The following KLF12 variants were observed in gnomAD, a reference collection of about 807,000 sequenced individuals.
The protein encoded by KLF12 is KLF transcription factor 12.
KLF12 carries 9 observed loss-of-function variants against 37.8 expected under a neutral mutation model. The ratio of observed to expected loss-of-function variants is 0.24; its 90% CI spans 0.14 to 0.42. The LOEUF (loss-of-function observed/expected upper bound fraction) is 0.42. KLF12 is among the 10% of genes least tolerant of loss of function. KLF12 has a pLI of 1.00. For synonymous variants in KLF12, 208 were observed against 202.1 expected, an observed-to-expected ratio of 1.03 and a Z score of -0.25; for missense variants, 411 against 516.0, an observed-to-expected ratio of 0.80 and a Z score of 1.97.
At chr13:73,797,417 T>C (rs1167481401) in intron 5 of KLF12, among the ~76,000 whole-genome samples, 2 of 152,218 alleles carry the variant, frequency 1.3e-5, no homozygotes, top group Non-Finnish European at 2.9e-5. Context: ...AATTCTTCCT[T>C]TAAATACAAA....
chr13:74,274,685 CT>C, the KLF12 span, among the ~76,000 whole-genome samples: 590 of 143,162 alleles, frequency 4.1e-3, no homozygotes, highest in African/African-American at 0.011. Flanking sequence ...TTTTTCACTT[CT>C]TTTTTTTTTT....
chr13:74,015,074 G>A (rs576287762), intron 1 of KLF12, among the ~76,000 whole-genome samples: 1 of 152,038 alleles, frequency 6.6e-6, no homozygotes, highest in South Asian at 2.1e-4. Flanking sequence ...TATACTATTA[G>A]TATACAGTAG....
intron 3 of KLF12, among the ~76,000 whole-genome samples, chr13:73,867,649 C>T (rs966526761): frequency 1.1e-4 from 16 of 152,030 alleles, no homozygotes; most frequent in African/African-American, 3.6e-4. Context: ...TTTAGAACAA[C>T]GTACCTGATA....
rs151110980 is a variant in KLF12 at position 73,828,530 on chromosome 13, C to T, written c.671-15243G>A. 2.6e-3 allele frequency among the ~76,000 whole-genome samples: 399 copies of T among 152,262 alleles called. 1 individual carries two copies. The highest frequency in any genetic ancestry group is 9.0e-3 in the African/African-American group (375 of 41,542). On this transcript the variant is annotated intron_variant, in intron 4 of 7. Transcript: ENST00000377669. ...TATCTTTTCCTTTATCCTTGACATC[C>T]AACTGGCCAACAAATTCTATCACAT... is the stretch of plus-strand genomic sequence containing the variant.
At chr13:73,914,890 T>C (rs1307972390) in intron 3 of KLF12, among the ~76,000 whole-genome samples, 1 of 152,186 alleles carries the variant, frequency 6.6e-6, no homozygotes, top group Non-Finnish European at 1.5e-5. Context: ...AAAAGTAAGT[T>C]TTCCATTTTA....
intron 1 of KLF12, among the ~76,000 whole-genome samples, chr13:74,028,788 A>G (rs1052913147): frequency 1.3e-5 from 2 of 151,738 alleles, no homozygotes; most frequent in Non-Finnish European, 2.9e-5. Context: ...CAAGGGAATC[A>G]CATCATTTTA....
At position 74,097,180 on chromosome 13, in the gene KLF12, A is replaced by G. The variant is rs117305564; in HGVS notation, c.-32+36559T>C. On this transcript the variant is annotated intron_variant, in intron 1 of 7. Coordinates refer to ENST00000377669, the MANE Select transcript of KLF12 (RefSeq NM_007249.5). ...CAAGAACTACGTTTAAAGATAACAA[A>G]ACAGGTAGTTTCTCAAGGACTTTAT... Among the ~76,000 whole-genome samples the G allele has an allele frequency of 1.2e-3, 182 of 152,276 alleles. 1 individual carries two copies. In the East Asian group the frequency reaches 0.029, roughly 25 times the overall value.
intron 3 of KLF12, among the ~76,000 whole-genome samples, chr13:73,860,723 G>A (rs561264382): frequency 1.1e-4 from 17 of 151,812 alleles, no homozygotes; most frequent in South Asian, 2.1e-4. Context: ...CAGCCTGGGC[G>A]ACAGAGTGAA....
chr13:74,263,213 G>A, the KLF12 span, among the ~76,000 whole-genome samples: 1 of 152,098 alleles, frequency 6.6e-6, no homozygotes, highest in East Asian at 1.9e-4. Flanking sequence ...ATAATGTAAT[G>A]CTCCTTGTAC....
At chr13:74,123,745 T>C (rs1593919291) in intron 1 of KLF12, among the ~76,000 whole-genome samples, 2 of 152,362 alleles carry the variant, frequency 1.3e-5, no homozygotes, top group South Asian at 2.1e-4. Flanking sequence ...GACACTTCTT[T>C]TATGTAATGT....
At chr13:73,847,774 G>A (rs1202976740) in intron 3 of KLF12, among the ~76,000 whole-genome samples, 1 of 151,964 alleles carries the variant, frequency 6.6e-6, no homozygotes. Flanking sequence ...CAGTTTATGT[G>A]CTGAAATTGA....
intron 6 of KLF12, among the ~76,000 whole-genome samples, chr13:73,734,841 C>G (rs1283754134): frequency 6.6e-6 from 1 of 152,062 alleles, no homozygotes; most frequent in African/African-American, 2.4e-5. Context: ...GTACACTGCC[C>G]GAGATGACAT....
chr13:73,978,307 C>T (rs1388590862), intron 2 of KLF12, among the ~76,000 whole-genome samples: 1 of 152,054 alleles, frequency 6.6e-6, no homozygotes, highest in Non-Finnish European at 1.5e-5. Context: ...AAGACCTTAA[C>T]AGAGACCTCA....
chr13:74,199,481 A>T, the KLF12 span, among the ~76,000 whole-genome samples: 134 of 152,316 alleles, frequency 8.8e-4, 1 homozygote, highest in Non-Finnish European at 1.1e-3. Flanking sequence ...TGACAATAAA[A>T]ACCATGCCTG....
chr13:73,930,361 T>C (rs566483340), intron 3 of KLF12, among the ~76,000 whole-genome samples: 239 of 152,340 alleles, frequency 1.6e-3, no homozygotes, highest in African/African-American at 5.6e-3. Flanking sequence ...ACAGTTTTCT[T>C]ATATTTCTTC....
In KLF12 at chr13:73,977,888, A is replaced by G. The variant is rs550106959; in HGVS notation, c.33+17102T>C. 4.6e-4 allele frequency among the ~76,000 whole-genome samples: 70 copies of G among 152,346 alleles called. 1 individual carries two copies. The highest frequency in any genetic ancestry group is 1.6e-3 in the African/African-American group (68 of 41,588). Reference sequence around the variant, plus strand: ...ATGGAGCAAAGATAGTCTTTCCAACAAATGGTGCTGGAACAACTTGACATC... The same window carrying G: ...ATGGAGCAAAGATAGTCTTTCCAACGAATGGTGCTGGAACAACTTGACATC... On this transcript the variant is annotated intron_variant, in intron 2 of 7. Transcript: ENST00000377669.
In KLF12 at chr13:73,693,167, C is replaced by T. The variant is rs997998393; in HGVS notation, c.*2323G>A. Reference sequence around the variant, plus strand: ...ACTACTTGCCAACTAGGTGCTGGTACTAGTGCCAGGGGGTTCATGGCTGTG... The same window carrying T: ...ACTACTTGCCAACTAGGTGCTGGTATTAGTGCCAGGGGGTTCATGGCTGTG... On this transcript the variant is annotated 3_prime_UTR_variant, in exon 8 of 8. Coordinates refer to ENST00000377669, the MANE Select transcript of KLF12 (RefSeq NM_007249.5). 4 of 152,220 alleles carry T rather than the reference C, an allele frequency of 2.6e-5. No homozygotes were observed. The highest frequency in any genetic ancestry group is 7.2e-5 in the African/African-American group (3 of 41,456). The allele number at this position is 152,220 out of a possible 1,614,324, so 9.4% of individuals were successfully genotyped here.
intron 3 of KLF12, among the ~76,000 whole-genome samples, chr13:73,865,581 A>T (rs189267378): frequency 9.9e-5 from 15 of 152,284 alleles, no homozygotes; most frequent in African/African-American, 3.1e-4. Flanking sequence ...TATTCACTTA[A>T]ATTACAAAAT....
At chr13:74,267,228 G>A in the KLF12 span, among the ~76,000 whole-genome samples, 16 of 152,144 alleles carry the variant, frequency 1.1e-4, no homozygotes, top group Non-Finnish European at 2.1e-4. Flanking sequence ...GTCTTTACAG[G>A]TCTAATAAAG....
Sources: allele counts gnomAD v4.1 joint callset (sites outside exome capture counted in the v4.1 genomes callset), GRCh38; gene constraint gnomAD v4.1.1; transcripts MANE v1.5; gene names NCBI Gene and HGNC (gene_info 2026-07-23, HGNC 2026-07-21).